The following ELL variants were observed in gnomAD, a reference collection of about 807,000 sequenced individuals.
ELL encodes the protein elongation factor for RNA polymerase II, also known as RNA polymerase II elongation factor ELL.
Under a neutral mutation model 64.0 loss-of-function variants are expected in ELL, and 18 were observed. That is an observed-to-expected ratio of 0.28 (90% confidence interval 0.19 to 0.42). The LOEUF is 0.42. Ranked by LOEUF, ELL falls within the 10% of genes least tolerant of loss-of-function variation. The probability of loss-of-function intolerance (pLI) is 1.00; values close to 1 mark genes in which losing one functional copy is unlikely to be tolerated. For missense variants in ELL, 797 were observed against 870.4 expected (o/e 0.92, Z 1.06); for synonymous variants, 399 against 376.2 (o/e 1.06, Z -0.70).
intron 1 of ELL, among the ~76,000 whole-genome samples, chr19:18,499,817 G>A (rs1975743427): frequency 6.6e-6 from 1 of 152,204 alleles, no homozygotes; most frequent in African/African-American, 2.4e-5. Context: ...ACCCACCAGG[G>A]ATGGCTGATG....
chr19:18,485,699 G>A (rs777723215), intron 1 of ELL, among the ~76,000 whole-genome samples: 6 of 152,146 alleles, frequency 3.9e-5, no homozygotes, highest in Non-Finnish European at 7.4e-5. Flanking sequence ...GGAAAGCTAC[G>A]GGGATGGGCC....
chr19:18,503,812 G>T (rs1298330855), intron 1 of ELL, among the ~76,000 whole-genome samples: 2 of 152,176 alleles, frequency 1.3e-5, no homozygotes. Context: ...CTTCCCTGCT[G>T]CAGGCTGGAT....
chr19:18,451,092 T>C lies in ELL; in HGVS notation c.967-117A>G, dbSNP rs1295414844. The C allele has an allele frequency of 2.4e-5, 32 of 1,356,792 alleles. No individual in the cohort carries two copies. The East Asian group carries it at 7.5e-4, about 32-fold the overall frequency. The allele number at this position is 1,356,792 out of a possible 1,614,324, so 84.0% of individuals were successfully genotyped here. ...GCCTGCAAGGCCCACGCTGGCCACATGGGGGCGCCCGAGCACCAAGTCAGG... is the reference window on the plus strand; with the variant it reads ...GCCTGCAAGGCCCACGCTGGCCACACGGGGGCGCCCGAGCACCAAGTCAGG... On this transcript the variant is annotated intron_variant, in intron 7 of 11. Transcript: ENST00000262809.
Position 18,509,631 on chromosome 19 carries a change from A to G in ELL, c.135+12290T>C, listed in dbSNP as rs908350352. Among the ~76,000 whole-genome samples the G allele has an allele frequency of 9.1e-4, 133 of 146,540 alleles. 2 individuals are homozygous for G. Among genetic ancestry groups the G allele is most frequent in the African/African-American group, 1.9e-3 (74 of 38,466 alleles). ...CACACACACACACACACACACACAC[A>G]CACACACACACACACACACACACAC... On this transcript the variant is annotated intron_variant, in intron 1 of 11. Coordinates refer to ENST00000262809, the MANE Select transcript of ELL (RefSeq NM_006532.4).
intron 1 of ELL, among the ~76,000 whole-genome samples, chr19:18,499,180 A>G (rs1182757551): frequency 6.6e-6 from 1 of 152,136 alleles, no homozygotes; most frequent in Non-Finnish European, 1.5e-5. Flanking sequence ...CAGGGATGGG[A>G]GGGCTCAACA....
intron 1 of ELL, among the ~76,000 whole-genome samples, chr19:18,505,063 C>G (rs1435181975): frequency 1.3e-5 from 2 of 152,214 alleles, no homozygotes; most frequent in African/African-American, 4.8e-5. Context: ...ACATCTCACC[C>G]TCCTGCCATC....
chr19:18,451,250 T>G (rs1480586035), intron 7 of ELL, among the ~76,000 whole-genome samples: 1 of 152,186 alleles, frequency 6.6e-6, no homozygotes, highest in Non-Finnish European at 1.5e-5. Flanking sequence ...GTGCTCAGCA[T>G]GCTTCCCCAG....
chr19:18,461,649 G>A lies in ELL; in HGVS notation c.673C>T (p.Leu225=). Residue 225 remains leucine, a synonymous_variant, in exon 5 of 12, where the codon CTG becomes TTG. Coordinates refer to ENST00000262809, the MANE Select transcript of ELL (RefSeq NM_006532.4). ...CCGTCCTTCTGCAGTCGCAGCAGCA[G>A]CTCAGCCTTGCGGTAGGGCCGTAGT... ...LALRPYRKAE[L]LLRLQKDGLT... is the part of the protein sequence containing the mutation. 2 of 1,612,416 alleles carry A rather than the reference G, an allele frequency of 1.2e-6. No individual in the cohort carries two copies. Among genetic ancestry groups the A allele is most frequent in the South Asian group, 2.2e-5 (2 of 91,084 alleles).
chr19:18,445,688 G>A (rs954919131), intron 10 of ELL, among the ~76,000 whole-genome samples: 3 of 152,116 alleles, frequency 2.0e-5, no homozygotes, highest in East Asian at 1.9e-4. Context: ...GAGAGACCCC[G>A]GCATCTGATT....
At chr19:18,450,105 C>A (rs1051441439) in intron 8 of ELL, among the ~76,000 whole-genome samples, 1 of 152,212 alleles carries the variant, frequency 6.6e-6, no homozygotes, top group African/African-American at 2.4e-5. Flanking sequence ...CCCCAGCAGA[C>A]CTCAGCATGG....
Position 18,458,073 on chromosome 19 carries a change from T to A in ELL, c.869+132A>T, listed in dbSNP as rs1043238572. On this transcript the variant is annotated intron_variant, in intron 6 of 11. Transcript: ENST00000262809. ...AGGGAGGATGGCCAGAGAGGCCTACTTGGACCCTTCCATCCTGCTCCCAAG... is the reference window on the plus strand; with the variant it reads ...AGGGAGGATGGCCAGAGAGGCCTACATGGACCCTTCCATCCTGCTCCCAAG... 4 of 1,495,226 alleles carry A rather than the reference T, an allele frequency of 2.7e-6. No individual in the cohort carries two copies. In the African/African-American group the frequency reaches 5.5e-5, roughly 21 times the overall value. The allele number at this position is 1,495,226 out of a possible 1,614,324, so 92.6% of individuals were successfully genotyped here.
At chr19:18,462,194 GTGTGTGTGTGTGTGTGTGTGTGTGTGTA>G (rs1045302205) in intron 4 of ELL, among the ~76,000 whole-genome samples, 48 of 117,642 alleles carry the variant, frequency 4.1e-4, no homozygotes, top group African/African-American at 1.9e-3. Context: ...GTGTGTGTGT[GTGTGTGTGTGTGTGTGTGTGTGTGTGTA>G]TGTAATCACC....
rs146319910 is a variant in ELL, at chr19:18,468,339, C to A, written c.184-2421G>T. Among the ~76,000 whole-genome samples the A allele has an allele frequency of 3.6e-3, 549 of 152,324 alleles. 6 individuals are homozygous for A. The highest frequency in any genetic ancestry group is 0.013 in the African/African-American group (526 of 41,562). On this transcript the variant is annotated intron_variant, in intron 2 of 11. Coordinates refer to ENST00000262809, the MANE Select transcript of ELL (RefSeq NM_006532.4). ...CCAGAGCCATGTGGGTGACCCTGGC[C>A]ATCCAGATCTGTCCTGCTTCGACGC...
chr19:18,476,325 G>GTGT, intron 1 of ELL, among the ~76,000 whole-genome samples: 1 of 152,230 alleles, frequency 6.6e-6, no homozygotes, highest in South Asian at 2.1e-4. Flanking sequence ...CAGGGATGAG[G>GTGT]GCTCAGAAAA....
intron 1 of ELL, among the ~76,000 whole-genome samples, chr19:18,521,456 T>C (rs1184870976): frequency 6.6e-6 from 1 of 151,350 alleles, no homozygotes; most frequent in African/African-American, 2.4e-5. Context: ...GATCGCTGCT[T>C]CCCAGGAGGA....
In ELL at chr19:18,464,506, G is replaced by A. The variant is rs965195642; in HGVS notation, c.469+906C>T. On this transcript the variant is annotated intron_variant, in intron 4 of 11. Transcript: ENST00000262809. ...CCCTGGCCATACAACATGTCCACCC[G>A]GACTCAGTGTTGACCAGGAAGACCA... Among the ~76,000 whole-genome samples the A allele has an allele frequency of 4.6e-5, 7 of 152,066 alleles. 1 individual carries two copies. The highest frequency in any genetic ancestry group is 8.8e-5 in the Non-Finnish European group (6 of 68,026).
At position 18,501,447 on chromosome 19, in the gene ELL, G is replaced by A. The variant is rs7252707; in HGVS notation, c.135+20474C>T. 0.43 allele frequency among the ~76,000 whole-genome samples: 66,084 copies of A among 152,108 alleles called. 16,088 individuals carry two copies. The highest frequency in any genetic ancestry group is 0.67 in the African/African-American group (27,872 of 41,504). On this transcript the variant is annotated intron_variant, in intron 1 of 11. Coordinates refer to ENST00000262809, the MANE Select transcript of ELL (RefSeq NM_006532.4). The surrounding 1 kb of genome is among the most constrained non-coding windows in gnomAD (Gnocchi z 4.5). Reference sequence around the variant, plus strand: ...GGGGCCCACGCCTCAACAATGAGGCGGACCCTCCAACGTGCCTCACACTTC... The same window carrying A: ...GGGGCCCACGCCTCAACAATGAGGCAGACCCTCCAACGTGCCTCACACTTC...
Position 18,465,445 on chromosome 19 carries a change from C to T in ELL, c.436G>A (p.Ala146Thr). The T allele has an allele frequency of 1.2e-6, 2 of 1,610,738 alleles. No individual in the cohort carries two copies. Among genetic ancestry groups the T allele is most frequent in the Non-Finnish European group, 8.5e-7 (1 of 1,177,716 alleles). Residue 146 changes from alanine to threonine, a missense_variant, in exon 4 of 12, where the codon GCC (alanine) becomes ACC (threonine). Ala to Thr is a moderately conservative substitution (Grantham distance 58). Coordinates refer to ENST00000262809, the MANE Select transcript of ELL (RefSeq NM_006532.4). ...CGGCCTCCAGCCTTGATGACAATGGCACTTCGGCTCCGCGTCTCCTCCTCC... is the reference window on the plus strand; with the variant it reads ...CGGCCTCCAGCCTTGATGACAATGGTACTTCGGCTCCGCGTCTCCTCCTCC... Reference protein sequence around the residue: ...QAEEETRSRSAIVIKAGGRYL... With the variant: ...QAEEETRSRSTIVIKAGGRYL...
Position 18,462,377 on chromosome 19 carries a change from C to T in ELL, c.470-525G>A, listed in dbSNP as rs1560120. Among the ~76,000 whole-genome samples, 5 of 16,114 alleles carry T rather than the reference C, an allele frequency of 3.1e-4. 1 individual carries two copies. Among genetic ancestry groups the T allele is most frequent in the East Asian group, 8.0e-4 (1 of 1,248 alleles). The allele number at this position is 16,114 out of a possible 152,430, so 10.6% of individuals were successfully genotyped here. A position where few individuals can be genotyped will look rare whatever the true frequency, so the allele number is the denominator to read the frequency against. ...TGTGTGTGTGTGTTTGGGCGGGGGG[C>T]GGGGGGGGAAGGATTGTTTTGTTTT... On this transcript the variant is annotated intron_variant, in intron 4 of 11. Transcript: ENST00000262809.
Sources: gnomAD v4.1 joint callset for allele counts (sites outside exome capture counted in the v4.1 genomes callset) on GRCh38, gnomAD v4.1.1 for gene constraint, Gnocchi (gnomAD v3.1) non-coding constraint, MANE v1.5 for transcripts, NCBI Gene and HGNC (gene_info 2026-07-23, HGNC 2026-07-21) for gene names.